The following OTOG variants were observed in gnomAD, a reference collection of about 807,000 sequenced individuals.
OTOG encodes the protein otogelin.
A neutral mutation model predicts 313.8 loss-of-function variants in OTOG; 296 were observed. That is an observed-to-expected ratio of 0.94 (90% CI 0.86 to 1.04). The LOEUF (loss-of-function observed/expected upper bound fraction) is 1.04, where lower values mean the gene tolerates loss of function less well. Among genes scored for constraint, OTOG ranks in the 50% least tolerant of loss-of-function variants. OTOG has a pLI of 0.00. For missense variants in OTOG, 3,948 were observed against 3,840.1 expected (o/e 1.03, Z -0.74); for synonymous variants, 1,533 against 1,554.9 (o/e 0.99, Z 0.33).
At chr11:17,613,200 T>TTTCTTTCTTTCTTTCA (rs1565118821) in intron 38 of OTOG, among the ~76,000 whole-genome samples, 2 of 65,830 alleles carry the variant, frequency 3.0e-5, no homozygotes, top group South Asian at 6.7e-4. Flanking sequence ...CTTTCTTTTC[T>TTTCTTTCTTTCTTTCA]TTCTTTCTTT....
chr11:17,560,110 G>A (rs1274014418), intron 12 of OTOG, among the ~76,000 whole-genome samples: 2 of 152,212 alleles, frequency 1.3e-5, no homozygotes, highest in Admixed American at 6.5e-5. Flanking sequence ...ATTGGTTTAT[G>A]TATACACATA....
At chr11:17,627,129 C>T (rs1854002922) in intron 39 of OTOG, among the ~76,000 whole-genome samples, 1 of 152,114 alleles carries the variant, frequency 6.6e-6, no homozygotes, top group South Asian at 2.1e-4. Flanking sequence ...TGTCTGATTG[C>T]TCTAGGTAGG....
chr11:17,570,169 T>C, intron 16 of OTOG, 44 bp from the exon 17 acceptor site: 1 of 1,512,194 alleles, frequency 6.6e-7, no homozygotes. Flanking sequence ...GCGGGGTGTG[T>C]ACTGGCTGCC....
intron 23 of OTOG, among the ~76,000 whole-genome samples, chr11:17,579,742 C>T (rs1228896895): frequency 1.3e-5 from 2 of 152,130 alleles, no homozygotes; most frequent in African/African-American, 2.4e-5. Context: ...AGCCTGAGGT[C>T]AGGAAAAGCC....
intron 51 of OTOG, 122 bp downstream of exon 51, chr11:17,641,213 G>A (rs1349809065): frequency 8.9e-7 from 1 of 1,118,860 alleles, no homozygotes. Context: ...AGTCAGAGGG[G>A]CCCTCAGAAA....
intron 19 of OTOG, among the ~76,000 whole-genome samples, chr11:17,573,492 C>T (rs1398520064): frequency 6.6e-6 from 1 of 152,234 alleles, no homozygotes; most frequent in Non-Finnish European, 1.5e-5. Context: ...CACCTGGGAC[C>T]TGTGACTCAG....
intron 20 of OTOG, among the ~76,000 whole-genome samples, chr11:17,575,225 C>T (rs557611038): frequency 6.6e-5 from 10 of 152,354 alleles, no homozygotes; most frequent in African/African-American, 2.4e-4. Flanking sequence ...TGGTATGTTC[C>T]AGACATTTCT....
At chr11:17,573,026 A>C in intron 18 of OTOG, 52 bp from the exon 19 acceptor site, 1 of 1,450,522 alleles carries the variant, frequency 6.9e-7, no homozygotes. Context: ...ATCCTGGGAC[A>C]CCAGGTAGAC....
In OTOG at chr11:17,578,478, G is replaced by A. The variant is rs2134036310; in HGVS notation, c.2711G>A (p.Ser904Asn). Residue 904 changes from serine to asparagine, a missense_variant, in exon 23 of 56, where the codon AGC becomes AAC. By Grantham distance (46) the Ser-to-Asn change is conservative (BLOSUM62 1). Coordinates refer to ENST00000399397, the MANE Select transcript of OTOG (RefSeq NM_001292063.2). ...RTCEQQLLNL[S>N]VSARGPCLSG... Reference sequence around the variant, plus strand: ...TGTGAGCAGCAACTGCTGAACCTGAGCGTGTCAGCCCGTGGCCCCTGCCTC... The same window carrying A: ...TGTGAGCAGCAACTGCTGAACCTGAACGTGTCAGCCCGTGGCCCCTGCCTC... 2 of 1,540,888 alleles carry A rather than the reference G, an allele frequency of 1.3e-6. No individual in the cohort carries two copies. Among genetic ancestry groups the A allele is most frequent in the Non-Finnish European group, 1.7e-6 (2 of 1,146,892 alleles).
At chr11:17,567,740 T>C (rs1852317493) in intron 15 of OTOG, among the ~76,000 whole-genome samples, 1 of 152,200 alleles carries the variant, frequency 6.6e-6, no homozygotes. Flanking sequence ...GTAACAGAGC[T>C]TTTGTACAAG....
Position 17,611,085 on chromosome 11 carries a change from G to A in OTOG, c.5785G>A (p.Gly1929Ser), listed in dbSNP as rs765221945. 6.4e-6 allele frequency: 10 copies of A among 1,550,508 alleles called. No individual in the cohort carries two copies. In the South Asian group the frequency reaches 1.2e-4, roughly 18 times the overall value. The change falls in exon 36 of 56, where the codon GGT becomes AGT. Residue 1929 changes from glycine (G) to serine (S), a missense_variant. Gly to Ser is a moderately conservative substitution (Grantham distance 56, BLOSUM62 0). Transcript: ENST00000399397. ...LPTSMYGSAE[G>S]GPTELTPATS... is the part of the protein sequence containing the mutation. The stretch of plus-strand genomic sequence containing the variant: ...CACTTCCATGTATGGTTCTGCAGAG[G>A]GTGGGCCCACAGAGCTCACGCCTGC...
At chr11:17,585,712 A>G (rs1030090228) in intron 23 of OTOG, among the ~76,000 whole-genome samples, 1 of 152,076 alleles carries the variant, frequency 6.6e-6, no homozygotes, top group East Asian at 1.9e-4. Context: ...ATCATCCTGT[A>G]CTATAGTCCA....
intron 48 of OTOG, chr11:17,638,854 T>G: frequency 7.9e-7 from 1 of 1,269,602 alleles, no homozygotes. Context: ...TCCCAGCACT[T>G]TGAGAGGCCA....
At chr11:17,643,378 C>T (rs1054492322) in intron 53 of OTOG, 83 bp from the exon 54 acceptor site, 6 of 972,900 alleles carry the variant, frequency 6.2e-6, no homozygotes, top group Non-Finnish European at 8.5e-6. Context: ...GACTCCTGTA[C>T]TCTGCCTGTT....
intron 40 of OTOG, among the ~76,000 whole-genome samples, chr11:17,629,570 C>T (rs1307668436): frequency 6.6e-6 from 1 of 152,198 alleles, no homozygotes; most frequent in African/African-American, 2.4e-5. Flanking sequence ...CCCTGACAGC[C>T]TTCTAATGTC....
rs556951668 is a variant in OTOG at position 17,576,191 on chromosome 11, G to A, written c.2487-365G>A. ...GTGACCAGGACACCTGTGTCAGGAT[G>A]CAGCACCAGCTGAATATCTGCCCTG... is the stretch of plus-strand genomic sequence containing the variant. On this transcript the variant is annotated intron_variant, in intron 20 of 55. Transcript: ENST00000399397. Among the ~76,000 whole-genome samples the A allele has an allele frequency of 7.9e-5, 12 of 152,340 alleles. No individual in the cohort carries two copies. In the South Asian group the frequency reaches 2.1e-3, roughly 26 times the overall value.
Position 17,641,850 on chromosome 11 carries a change from C to G in OTOG, c.8194C>G (p.Gln2732Glu). ...CCCACCCCGCCCTGGCCTGTAGAACCAGGAGTACGAGCACCCGCGGGACCT... is the reference window on the plus strand; with the variant it reads ...CCCACCCCGCCCTGGCCTGTAGAACGAGGAGTACGAGCACCCGCGGGACCT... ...VLCDIHCEAN[Q>E]EYEHPRDLAA... The change falls in exon 52 of 56, where the codon CAG becomes GAG. Residue 2732 changes from glutamine to glutamate, a missense_variant. By Grantham distance (29) the Gln-to-Glu change is conservative. Transcript: ENST00000399397. The G allele has an allele frequency of 1.3e-6, 2 of 1,549,230 alleles. No individual in the cohort carries two copies. Among genetic ancestry groups the G allele is most frequent in the Non-Finnish European group, 1.7e-6 (2 of 1,146,268 alleles).
At position 17,557,256 on chromosome 11, in the gene OTOG, G is replaced by T; in HGVS notation, c.798G>T (p.Leu266=). ...ACATCAAGATGAGTCCAGAGCTTCT[G>T]GGCTGGACCCATGGGCTGTGTGGGA... ...AVYIKMSPEL[L]GWTHGLCGNN... is the part of the protein sequence containing the mutation. The change falls in exon 8 of 56, where the codon CTG becomes CTT. Residue 266 remains leucine, a synonymous_variant. Transcript: ENST00000399397. The T allele has an allele frequency of 6.4e-7, 1 of 1,550,640 alleles. No individual in the cohort carries two copies. Among genetic ancestry groups the T allele is most frequent in the Non-Finnish European group, 8.7e-7 (1 of 1,147,026 alleles).
Position 17,631,840 on chromosome 11 carries a change from G to T in OTOG, c.6851G>T (p.Arg2284Leu), listed in dbSNP as rs775261055. Residue 2284 changes from arginine (R) to leucine (L), a missense_variant, in exon 41 of 56, where the codon CGC becomes CTC. By Grantham distance (102) the Arg-to-Leu change is moderately radical. Transcript: ENST00000399397. ...SLTSVGQTRF[R>L]PDSCATTDCS... ...ACCTCAGTGGGCCAGACCCGCTTCC[G>T]CCCAGACAGCTGCGCCACAACTGAC... 6.4e-7 allele frequency: 1 copy of T among 1,550,562 alleles called. No homozygotes were observed. Among genetic ancestry groups the T allele is most frequent in the East Asian group, 2.4e-5 (1 of 40,922 alleles).
Sources: gnomAD v4.1 joint callset for allele counts (sites outside exome capture counted in the v4.1 genomes callset) on GRCh38, gnomAD v4.1.1 for gene constraint, MANE v1.5 for transcripts, NCBI Gene and HGNC (gene_info 2026-07-23, HGNC 2026-07-21) for gene names.